The following ANKRD44 variants were observed in gnomAD, a reference collection of about 807,000 sequenced individuals.
ANKRD44 encodes the protein serine/threonine-protein phosphatase 6 regulatory ankyrin repeat subunit B.
A neutral mutation model predicts 116.0 loss-of-function variants in ANKRD44; 35 were observed. The observed-to-expected ratio is 0.30, with a 90% confidence interval of 0.23 to 0.40. The LOEUF (loss-of-function observed/expected upper bound fraction) is 0.40, where lower values mean the gene tolerates loss of function less well. ANKRD44 is among the 10% of genes least tolerant of loss of function. The pLI is 1.00. For missense variants in ANKRD44, 1,014 were observed against 1,242.6 expected, an observed-to-expected ratio of 0.82 and a Z score of 2.77; for synonymous variants, 435 against 461.8, an observed-to-expected ratio of 0.94 and a Z score of 0.74.
intron 2 of ANKRD44, among the ~76,000 whole-genome samples, chr2:197,160,109 A>G (rs2079922991): frequency 6.6e-6 from 1 of 152,134 alleles, no homozygotes; most frequent in Non-Finnish European, 1.5e-5. Context: ...TTATAAAAAA[A>G]CAAACTCTGG....
downstream of ANKRD44, among the ~76,000 whole-genome samples, chr2:196,984,992 G>C (rs910018371): frequency 3.3e-5 from 5 of 152,184 alleles, no homozygotes; most frequent in African/African-American, 9.7e-5. Flanking sequence ...TATCACTTCT[G>C]AAATTCAGTT....
chr2:197,136,511 G>A, intron 4 of ANKRD44, 81 bp downstream of exon 4: 1 of 1,338,796 alleles, frequency 7.5e-7, no homozygotes, highest in Non-Finnish European at 1.1e-6. Flanking sequence ...CTGCTTACCA[G>A]TAAGGATTCT....
chr2:197,156,815 T>C (rs945497952), intron 2 of ANKRD44, among the ~76,000 whole-genome samples: 4 of 152,132 alleles, frequency 2.6e-5, no homozygotes, highest in Non-Finnish European at 5.9e-5. Context: ...ATCAAAATAA[T>C]TGTGTGAGTG....
chr2:196,980,256 C>T (rs2075791539), intron 21 of ANKRD44, among the ~76,000 whole-genome samples: 1 of 151,926 alleles, frequency 6.6e-6, no homozygotes, highest in African/African-American at 2.4e-5. Flanking sequence ...ATGGGTAGAC[C>T]CTTGTGAATG....
chr2:197,220,126 T>C (rs1333188405), intron 1 of ANKRD44, among the ~76,000 whole-genome samples: 1 of 152,218 alleles, frequency 6.6e-6, no homozygotes, highest in Non-Finnish European at 1.5e-5. Flanking sequence ...ACAATATTTT[T>C]AAATGTAGAA....
At chr2:197,278,932 C>T (rs776069587) in intron 1 of ANKRD44, among the ~76,000 whole-genome samples, 5 of 152,236 alleles carry the variant, frequency 3.3e-5, no homozygotes, top group Admixed American at 6.5e-5. Context: ...AATCCCTCCA[C>T]GTGGAATTCT....
intron 1 of ANKRD44, among the ~76,000 whole-genome samples, chr2:197,264,114 A>G (rs964995974): frequency 6.6e-6 from 1 of 152,202 alleles, no homozygotes; most frequent in African/African-American, 2.4e-5. Context: ...AAGAAAAAGG[A>G]AAAGGAAAAG....
At chr2:197,087,600 C>T (rs1241490189) in intron 12 of ANKRD44, among the ~76,000 whole-genome samples, 2 of 152,196 alleles carry the variant, frequency 1.3e-5, no homozygotes, top group Non-Finnish European at 2.9e-5. Flanking sequence ...GAAAAATGAT[C>T]TCAATGATAA....
At chr2:196,998,115 G>A (rs2076047118) in intron 25 of ANKRD44, among the ~76,000 whole-genome samples, 2 of 152,170 alleles carry the variant, frequency 1.3e-5, no homozygotes, top group African/African-American at 4.8e-5. Context: ...TGAAAAGCAT[G>A]TCCTCAGTAT....
At chr2:197,100,813 T>C (rs1266419259) in intron 9 of ANKRD44, among the ~76,000 whole-genome samples, 1 of 152,202 alleles carries the variant, frequency 6.6e-6, no homozygotes, top group African/African-American at 2.4e-5. Context: ...TTTAATAATA[T>C]AGTATTGTCA....
At chr2:197,281,223 C>T (rs1346473692) in intron 1 of ANKRD44, among the ~76,000 whole-genome samples, 2 of 152,144 alleles carry the variant, frequency 1.3e-5, no homozygotes, top group African/African-American at 4.8e-5. Context: ...ACCAAATGAA[C>T]ATGTTACATG....
chr2:197,012,649 A>G (rs376420617), intron 18 of ANKRD44, among the ~76,000 whole-genome samples: 284 of 152,270 alleles, frequency 1.9e-3, no homozygotes, highest in African/African-American at 6.2e-3. Context: ...TCAGGGACAT[A>G]GATGGAAATA....
chr2:197,258,330 C>T (rs2082510419), intron 1 of ANKRD44, among the ~76,000 whole-genome samples: 1 of 132,232 alleles, frequency 7.6e-6, no homozygotes, highest in Non-Finnish European at 1.5e-5. Context: ...ACCATGCTGG[C>T]CAGGCTGGTC....
rs115479698 is a variant in ANKRD44, at chr2:197,099,288, G to A, written c.1100+528C>T. 9.3e-3 allele frequency among the ~76,000 whole-genome samples: 1,416 copies of A among 152,162 alleles called. 7 individuals are homozygous for A. Among genetic ancestry groups the A allele is most frequent in the Middle Eastern group, 0.017 (5 of 294 alleles). On this transcript the variant is annotated intron_variant, in intron 10 of 27. Coordinates refer to ENST00000282272, the MANE Select transcript of ANKRD44 (RefSeq NM_001195144.2). ...GGTCTTGGGCCCTGAACAAAATTAT[G>A]AGCGCCTTGAAACTAGGTAACTTAC...
intron 2 of ANKRD44, among the ~76,000 whole-genome samples, chr2:197,172,881 CTTA>C (rs2080275606): frequency 6.6e-6 from 1 of 152,078 alleles, no homozygotes; most frequent in South Asian, 2.1e-4. Flanking sequence ...TCCTATTCAT[CTTA>C]TAGTCCCAAC....
rs116949071 is a variant in ANKRD44, at chr2:197,005,897, T to C, written c.2144A>G (p.His715Arg). The C allele has an allele frequency of 1.0e-4, 161 of 1,614,226 alleles. No individual in the cohort carries two copies. In the East Asian group the frequency reaches 3.4e-3, roughly 34 times the overall value. Residue 715 changes from histidine to arginine, a missense_variant, in exon 21 of 28, where the codon CAC becomes CGC. His to Arg is a conservative substitution (Grantham distance 29). Transcript: ENST00000282272. Reference sequence around the variant, plus strand: ...CAGCAGCATTTGCACACATTCCTCGTGTCCTGTCATAATCTGATGCATTGT... The same window carrying C: ...CAGCAGCATTTGCACACATTCCTCGCGTCCTGTCATAATCTGATGCATTGT... ...TALHRGIMTG[H>R]EECVQMLLEQ...
intron 1 of ANKRD44, among the ~76,000 whole-genome samples, chr2:197,241,724 T>A (rs1377985448): frequency 1.3e-5 from 2 of 152,154 alleles, no homozygotes; most frequent in East Asian, 3.8e-4. Context: ...TATTGTTCTT[T>A]AAGATTTATT....
chr2:196,999,746 A>C (rs2076080771), intron 23 of ANKRD44, among the ~76,000 whole-genome samples: 2 of 151,986 alleles, frequency 1.3e-5, no homozygotes. Flanking sequence ...GGCGCCTGCC[A>C]CCACACCCGG....
intron 1 of ANKRD44, among the ~76,000 whole-genome samples, chr2:197,199,587 T>C (rs1389195730): frequency 6.6e-6 from 1 of 152,090 alleles, no homozygotes; most frequent in African/African-American, 2.4e-5. Flanking sequence ...TATCAGAAAA[T>C]GGGATTTTAC....
Sources: allele counts gnomAD v4.1 joint callset (sites outside exome capture counted in the v4.1 genomes callset), GRCh38; gene constraint gnomAD v4.1.1; transcripts MANE v1.5; gene names NCBI Gene and HGNC (gene_info 2026-07-23, HGNC 2026-07-21).